The following HPCAL1 variants were observed in gnomAD, a reference collection of about 807,000 sequenced individuals.
HPCAL1 encodes hippocalcin like 1.
HPCAL1 carries 8 observed loss-of-function variants against 17.1 expected under a neutral mutation model. That is an observed-to-expected ratio of 0.47 (90% CI 0.27 to 0.84). The LOEUF is 0.84. Among genes scored for constraint, HPCAL1 ranks in the 40% least tolerant of loss-of-function variants. HPCAL1 has a pLI of 0.13. For missense variants in HPCAL1, 165 were observed against 271.1 expected, an observed-to-expected ratio of 0.61 and a Z score of 2.75; for synonymous variants, 112 against 111.4, an observed-to-expected ratio of 1.01 and a Z score of -0.03.
At chr2:10,426,634 C>A (rs1671425111) in intron 4 of HPCAL1, 90 bp from the exon 5 acceptor site, 1 of 976,146 alleles carries the variant, frequency 1.0e-6, no homozygotes, top group Admixed American at 1.7e-5. Context: ...ACAAAGGGAG[C>A]ATACCTGACC....
At chr2:10,351,228 A>G (rs1214385139) in intron 1 of HPCAL1, among the ~76,000 whole-genome samples, 1 of 152,274 alleles carries the variant, frequency 6.6e-6, no homozygotes, top group Non-Finnish European at 1.5e-5. Context: ...GAGCAGTAAA[A>G]GGAATGAAGT....
rs905992103 is a variant in HPCAL1 at position 10,304,017 on chromosome 2, C to T, written c.-111+840C>T. 6.6e-6 allele frequency: 1 copy of T among 152,262 alleles called. No homozygotes were observed. Among genetic ancestry groups the T allele is most frequent in the African/African-American group, 2.4e-5 (1 of 41,450 alleles). The allele number at this position is 152,262 out of a possible 1,614,324, so 9.4% of individuals were successfully genotyped here. On this transcript the variant is annotated intron_variant, in intron 1 of 4. Coordinates refer to ENST00000307845, the MANE Select transcript of HPCAL1 (RefSeq NM_002149.4). The surrounding 1 kb of genome is among the most constrained non-coding windows in gnomAD (Gnocchi z 4.1). ...TTTTCCCCTTTATCGTGGGTGGGGC[C>T]TTACATTTTCCCCGGGCGTGTTTTG...
intron 1 of HPCAL1, among the ~76,000 whole-genome samples, chr2:10,370,970 G>A (rs1250665651): frequency 6.6e-6 from 1 of 152,226 alleles, no homozygotes; most frequent in Non-Finnish European, 1.5e-5. Flanking sequence ...ATCCGAGGCA[G>A]AGCTGGCACC....
chr2:10,349,571 C>T lies in HPCAL1; in HGVS notation c.-111+46394C>T, dbSNP rs535349540. On this transcript the variant is annotated intron_variant, in intron 1 of 4. Transcript: ENST00000307845. ...ACAAAAAATTAGCTGGGCGTGGTGGCGGGCACCTGTAGTCCCAGCTACTCA... is the reference window on the plus strand; with the variant it reads ...ACAAAAAATTAGCTGGGCGTGGTGGTGGGCACCTGTAGTCCCAGCTACTCA... 7.9e-5 allele frequency among the ~76,000 whole-genome samples: 12 copies of T among 151,336 alleles called. 2 individuals carry two copies. The highest frequency in any genetic ancestry group is 2.9e-4 in the African/African-American group (12 of 41,170).
rs571026274 is a variant in HPCAL1 at position 10,370,196 on chromosome 2, C to T, written c.-110-26639C>T. Among the ~76,000 whole-genome samples the T allele has an allele frequency of 1.2e-4, 18 of 152,370 alleles. 1 individual carries two copies. Among genetic ancestry groups the T allele is most frequent in the East Asian group, 1.2e-3 (6 of 5,180 alleles). Reference sequence around the variant, plus strand: ...CCTTCCCTTCAGTAGTGGCTCCCTTCCCATTCCCCAAATCGCCTCTGCTTT... The same window carrying T: ...CCTTCCCTTCAGTAGTGGCTCCCTTTCCATTCCCCAAATCGCCTCTGCTTT... On this transcript the variant is annotated intron_variant, in intron 1 of 4. Transcript: ENST00000307845.
At chr2:10,309,988 C>T (rs1662850754) in intron 1 of HPCAL1, among the ~76,000 whole-genome samples, 1 of 152,140 alleles carries the variant, frequency 6.6e-6, no homozygotes, top group Non-Finnish European at 1.5e-5. Flanking sequence ...ACCTCATTTG[C>T]AAAATACCTT....
chr2:10,412,817 T>C (rs2125619255), intron 2 of HPCAL1, among the ~76,000 whole-genome samples: 1 of 152,290 alleles, frequency 6.6e-6, no homozygotes, highest in Middle Eastern at 3.4e-3. Flanking sequence ...CCCCCCTCCC[T>C]GTTCAGCTGT....
intron 1 of HPCAL1, among the ~76,000 whole-genome samples, chr2:10,316,411 G>A (rs1663316713): frequency 6.6e-6 from 1 of 152,204 alleles, no homozygotes; most frequent in African/African-American, 2.4e-5. Flanking sequence ...TCCTGGCGAT[G>A]ATCCTTCTTT....
At chr2:10,335,445 C>T (rs187557804) in intron 1 of HPCAL1, among the ~76,000 whole-genome samples, 11 of 152,286 alleles carry the variant, frequency 7.2e-5, no homozygotes, top group Non-Finnish European at 1.3e-4. Flanking sequence ...GCTGAGCCTT[C>T]GGATGAGACT....
At position 10,420,140 on chromosome 2, in the gene HPCAL1, C is replaced by G. The variant is rs775231445; in HGVS notation, c.378+5C>G. The G allele has an allele frequency of 1.2e-6, 2 of 1,601,884 alleles. No individual in the cohort carries two copies. Among genetic ancestry groups the G allele is most frequent in the South Asian group, 2.2e-5 (2 of 90,354 alleles). ...GAGATGCTGGAGATCGTGCAGGTAC[C>G]GGCGCCCGAGGCCCCGGGTCTCACC... is the stretch of plus-strand genomic sequence containing the variant. On this transcript the variant is annotated splice_donor_5th_base_variant and intron_variant, in intron 3 of 4. Transcript: ENST00000307845.
chr2:10,390,380 G>A (rs1398475644), intron 1 of HPCAL1, among the ~76,000 whole-genome samples: 4 of 152,134 alleles, frequency 2.6e-5, no homozygotes, highest in Non-Finnish European at 5.9e-5. Flanking sequence ...TGTGCAAAAC[G>A]TCTGTGTGAC....
Position 10,427,087 on chromosome 2 carries a change from G to A in HPCAL1, c.*266G>A, listed in dbSNP as rs1047081128. On this transcript the variant is annotated 3_prime_UTR_variant, in exon 5 of 5. Transcript: ENST00000307845. The stretch of plus-strand genomic sequence containing the variant: ...AGGGTTCAAGTGTTCTTGGTTCCAG[G>A]CACCTCCCGGCTCACGGGGAGCTCA... 6 of 464,464 alleles carry A rather than the reference G, an allele frequency of 1.3e-5. No individual in the cohort carries two copies. Among genetic ancestry groups the A allele is most frequent in the African/African-American group, 1.2e-4 (6 of 50,456 alleles). The allele number at this position is 464,464 out of a possible 1,614,324, so 28.8% of individuals were successfully genotyped here.
intron 2 of HPCAL1, among the ~76,000 whole-genome samples, chr2:10,399,324 A>ACCG (rs1669332629): frequency 8.2e-6 from 1 of 122,084 alleles, no homozygotes; most frequent in Non-Finnish European, 1.8e-5. Flanking sequence ...CACCACCACC[A>ACCG]TCACCACCAC....
rs1344259655 is a variant in HPCAL1, at chr2:10,360,476, ATC to A, written c.-110-36355_-110-36354del. Among the ~76,000 whole-genome samples, 3 of 151,786 alleles carry A rather than the reference ATC, an allele frequency of 2.0e-5. No homozygotes were observed. The East Asian group carries it at 5.8e-4, about 30-fold the overall frequency. On this transcript the variant is annotated intron_variant, in intron 1 of 4. Transcript: ENST00000307845. ...ACCCAGGCTGGAGTGCAGTGGCACG[ATC>A]TCTGTTCACTGTAACCTCTGCCTTA...
rs1276758253 is a variant in HPCAL1 at position 10,377,832 on chromosome 2, G to C, written c.-110-19003G>C. Among the ~76,000 whole-genome samples, 1 of 152,244 alleles carries C rather than the reference G, an allele frequency of 6.6e-6. No homozygotes were observed. Among genetic ancestry groups the C allele is most frequent in the Non-Finnish European group, 1.5e-5 (1 of 68,040 alleles). ...TCCCCAGGGTGGTGAGCCACCGAGG[G>C]GGGCCAGGCACGGGGGAGGGTATTC... On this transcript the variant is annotated intron_variant, in intron 1 of 4. Coordinates refer to ENST00000307845, the MANE Select transcript of HPCAL1 (RefSeq NM_002149.4). The surrounding 1 kb of genome is among the most constrained non-coding windows in gnomAD (Gnocchi z 5.9).
In HPCAL1 at chr2:10,377,862, G is replaced by A. The variant is rs1667674507; in HGVS notation, c.-110-18973G>A. Among the ~76,000 whole-genome samples the A allele has an allele frequency of 6.6e-6, 1 of 152,216 alleles. No homozygotes were observed. Among genetic ancestry groups the A allele is most frequent in the South Asian group, 2.1e-4 (1 of 4,830 alleles). ...CAGGCACGGGGGAGGGTATTCAAGGGCGGCAAGCCACCAAGGGGACGGGGC... is the reference window on the plus strand; with the variant it reads ...CAGGCACGGGGGAGGGTATTCAAGGACGGCAAGCCACCAAGGGGACGGGGC... On this transcript the variant is annotated intron_variant, in intron 1 of 4. Transcript: ENST00000307845. The surrounding 1 kb of genome is among the most constrained non-coding windows in gnomAD (Gnocchi z 5.9).
In HPCAL1 at chr2:10,367,580, T is replaced by C. The variant is rs367875094; in HGVS notation, c.-110-29255T>C. ...AATAATATGTAAAGCAAAATCATAATAGCAACAACAATCACTGTCATCCCA... is the reference window on the plus strand; with the variant it reads ...AATAATATGTAAAGCAAAATCATAACAGCAACAACAATCACTGTCATCCCA... On this transcript the variant is annotated intron_variant, in intron 1 of 4. Coordinates refer to ENST00000307845, the MANE Select transcript of HPCAL1 (RefSeq NM_002149.4). This position sits in a 1 kb window ranked among gnomAD's most constrained non-coding sequence, Gnocchi z 4.4. 1.3e-5 allele frequency among the ~76,000 whole-genome samples: 2 copies of C among 152,206 alleles called. No individual in the cohort carries two copies. Among genetic ancestry groups the C allele is most frequent in the Admixed American group, 6.5e-5 (1 of 15,288 alleles).
Position 10,359,460 on chromosome 2 carries a change from G to A in HPCAL1, c.-110-37375G>A, listed in dbSNP as rs1487126713. On this transcript the variant is annotated intron_variant, in intron 1 of 4. Coordinates refer to ENST00000307845, the MANE Select transcript of HPCAL1 (RefSeq NM_002149.4). The surrounding 1 kb of genome is among the most constrained non-coding windows in gnomAD (Gnocchi z 4.1). ...CCAGAGGAAAGTCCCTGCAGGCCCC[G>A]GCCTCATGGCCTCTGTGACAGCAGC... 2.6e-5 allele frequency among the ~76,000 whole-genome samples: 4 copies of A among 152,230 alleles called. No individual in the cohort carries two copies. Among genetic ancestry groups the A allele is most frequent in the African/African-American group, 4.8e-5 (2 of 41,464 alleles).
At chr2:10,383,241 A>G (rs1668084578) in intron 1 of HPCAL1, among the ~76,000 whole-genome samples, 1 of 150,512 alleles carries the variant, frequency 6.6e-6, no homozygotes, top group Non-Finnish European at 1.5e-5. Context: ...GCGTGGTGTC[A>G]TGTGCCTGTG....
Sources: allele counts gnomAD v4.1 joint callset (sites outside exome capture counted in the v4.1 genomes callset), GRCh38; gene constraint gnomAD v4.1.1; non-coding constraint Gnocchi (gnomAD v3.1); transcripts MANE v1.5; gene names NCBI Gene and HGNC (gene_info 2026-07-23, HGNC 2026-07-21).